TBC1D22A: variants seen among roughly 807,000 people sequenced by gnomAD.
The protein encoded by TBC1D22A is putative GTPase activator.
Under a neutral mutation model 60.2 loss-of-function variants are expected in TBC1D22A, and 38 were observed. The ratio of observed to expected loss-of-function variants is 0.63; its 90% CI spans 0.49 to 0.83. The LOEUF (loss-of-function observed/expected upper bound fraction) is 0.83, where lower values mean the gene tolerates loss of function less well. Ranked by LOEUF, TBC1D22A falls within the 40% of genes least tolerant of loss-of-function variation. The pLI, the probability that TBC1D22A is intolerant of heterozygous loss-of-function variation, is 0.00. For missense variants in TBC1D22A, 628 were observed against 701.0 expected, an observed-to-expected ratio of 0.90 and a Z score of 1.18; for synonymous variants, 302 against 281.7, an observed-to-expected ratio of 1.07 and a Z score of -0.72.
rs1415335800 is a variant in TBC1D22A at position 46,797,609 on chromosome 22, A to G, written c.626A>G (p.Asn209Ser). ...DKFKQLLAGP[N>S]TDLEELRRLS... ...TTCAAGCAGCTGCTTGCCGGCCCCAACACGGACCTTGGTAAGCACCCTGCC... is the reference window on the plus strand; with the variant it reads ...TTCAAGCAGCTGCTTGCCGGCCCCAGCACGGACCTTGGTAAGCACCCTGCC... The change falls in exon 4 of 13, where the codon AAC (asparagine) becomes AGC (serine). Residue 209 changes from asparagine to serine, a missense_variant. Physicochemically the swap from Asn to Ser is conservative, Grantham distance 46. Coordinates refer to ENST00000337137, the MANE Select transcript of TBC1D22A (RefSeq NM_014346.5). The G allele has an allele frequency of 2.0e-5, 32 of 1,607,204 alleles. No individual in the cohort carries two copies. Among genetic ancestry groups the G allele is most frequent in the East Asian group, 4.5e-5 (2 of 44,632 alleles).
chr22:47,173,676 C>T lies in TBC1D22A; in HGVS notation c.*50C>T, dbSNP rs370913176. 6.5e-5 allele frequency: 105 copies of T among 1,608,258 alleles called. 1 individual carries two copies. In the Middle Eastern group the frequency reaches 9.9e-4, roughly 15 times the overall value. On this transcript the variant is annotated 3_prime_UTR_variant, in exon 13 of 13. Coordinates refer to ENST00000337137, the MANE Select transcript of TBC1D22A (RefSeq NM_014346.5). ...TCACTGTCCCGGGTGGCGCGCCCCA[C>T]CTGCCTGGCTGGTGGTAGGCCCCTG...
At chr22:46,870,660 A>G (rs1197732852) in intron 4 of TBC1D22A, among the ~76,000 whole-genome samples, 1 of 152,188 alleles carries the variant, frequency 6.6e-6, no homozygotes, top group East Asian at 1.9e-4. Flanking sequence ...CGTCTCTCCC[A>G]GTTTCGGAGG....
intron 11 of TBC1D22A, among the ~76,000 whole-genome samples, chr22:47,110,997 G>A (rs972574427): frequency 2.6e-5 from 4 of 152,192 alleles, no homozygotes; most frequent in East Asian, 1.9e-4. Flanking sequence ...TTCCGCGTCC[G>A]TGGCTTCCGA....
chr22:47,163,362 C>T (rs2068072860), intron 12 of TBC1D22A, among the ~76,000 whole-genome samples: 1 of 152,260 alleles, frequency 6.6e-6, no homozygotes, highest in South Asian at 2.1e-4. Flanking sequence ...ATAATTCCTG[C>T]TCACAATAGT....
intron 12 of TBC1D22A, among the ~76,000 whole-genome samples, chr22:47,129,650 A>G: frequency 6.6e-6 from 1 of 152,244 alleles, no homozygotes; most frequent in Non-Finnish European, 1.5e-5. Flanking sequence ...TTTGAAACTG[A>G]AAGATGAGAG....
At position 47,163,181 on chromosome 22, in the gene TBC1D22A, C is replaced by CCAGA. The variant is rs1404129550; in HGVS notation, c.1426-10312_1426-10309dup. The stretch of plus-strand genomic sequence containing the variant: ...CCCGCCCGGCCCCTGGCTGCCCCAC[C>CCAGA]CAGACAGAGGGACAGGAGGACCATG... On this transcript the variant is annotated intron_variant, in intron 12 of 12. Transcript: ENST00000337137. Among the ~76,000 whole-genome samples, 10 of 152,172 alleles carry CCAGA rather than the reference C, an allele frequency of 6.6e-5. No individual in the cohort carries two copies. The East Asian group carries it at 1.7e-3, about 27-fold the overall frequency.
At chr22:46,770,136 G>A (rs2083436437) in intron 1 of TBC1D22A, among the ~76,000 whole-genome samples, 1 of 152,214 alleles carries the variant, frequency 6.6e-6, no homozygotes, top group Admixed American at 6.5e-5. Context: ...TTTGGACGTG[G>A]TCAGAGACAT....
chr22:46,955,890 C>T (rs796780002), intron 8 of TBC1D22A, among the ~76,000 whole-genome samples: 9 of 152,304 alleles, frequency 5.9e-5, no homozygotes, highest in South Asian at 2.1e-4. Context: ...AGGCTGAGCA[C>T]GGGGCTCCCT....
intron 7 of TBC1D22A, among the ~76,000 whole-genome samples, chr22:46,904,207 A>G (rs1602402777): frequency 7.0e-6 from 1 of 143,684 alleles, no homozygotes; most frequent in African/African-American, 2.8e-5. Context: ...AACTGGCTCA[A>G]TGCGGTTTTT....
At chr22:47,080,114 T>G (rs2064401237) in intron 11 of TBC1D22A, among the ~76,000 whole-genome samples, 1 of 151,874 alleles carries the variant, frequency 6.6e-6, no homozygotes, top group Non-Finnish European at 1.5e-5. Flanking sequence ...ACAGGACTTC[T>G]AATTACATGA....
chr22:46,943,701 G>A (rs550805065), intron 8 of TBC1D22A, among the ~76,000 whole-genome samples: 6 of 152,200 alleles, frequency 3.9e-5, no homozygotes, highest in Non-Finnish European at 7.3e-5. Context: ...GGTCCCTCCA[G>A]CAGCCACATG....
At chr22:47,091,425 CGG>C (rs2064966967) in intron 11 of TBC1D22A, among the ~76,000 whole-genome samples, 1 of 139,670 alleles carries the variant, frequency 7.2e-6, no homozygotes, top group Non-Finnish European at 1.5e-5. Flanking sequence ...AGTGGCCTCG[CGG>C]AGGGGGTGGC....
chr22:46,795,333 C>A (rs760695959), intron 3 of TBC1D22A, among the ~76,000 whole-genome samples: 1 of 152,232 alleles, frequency 6.6e-6, no homozygotes, highest in Non-Finnish European at 1.5e-5. Context: ...GCCCCCTACC[C>A]CCAAGATGCA....
chr22:46,768,892 G>A (rs2083388807), intron 1 of TBC1D22A, among the ~76,000 whole-genome samples: 1 of 151,976 alleles, frequency 6.6e-6, no homozygotes, highest in South Asian at 2.1e-4. Context: ...TCAGCAGTTC[G>A]AGACCAGCCT....
intron 8 of TBC1D22A, among the ~76,000 whole-genome samples, chr22:46,960,864 G>A (rs968402299): frequency 6.7e-6 from 1 of 150,262 alleles, no homozygotes; most frequent in African/African-American, 2.5e-5. Flanking sequence ...GGAGAATGGC[G>A]TGAACCCAGG....
intron 11 of TBC1D22A, among the ~76,000 whole-genome samples, chr22:47,054,536 T>TGTCC (rs2063324926): frequency 6.6e-6 from 1 of 152,234 alleles, no homozygotes; most frequent in African/African-American, 2.4e-5. Context: ...GGCCTCGCCA[T>TGTCC]GTCCATCTGC....
chr22:47,068,570 T>C (rs1016081400), intron 11 of TBC1D22A, among the ~76,000 whole-genome samples: 5 of 152,262 alleles, frequency 3.3e-5, no homozygotes, highest in East Asian at 1.9e-4. Flanking sequence ...ATATGCCATA[T>C]GATATTTAAA....
At chr22:47,152,037 C>T (rs905351357) in intron 12 of TBC1D22A, among the ~76,000 whole-genome samples, 2 of 152,182 alleles carry the variant, frequency 1.3e-5, no homozygotes, top group African/African-American at 2.4e-5. Flanking sequence ...TGTGAGGGTT[C>T]CTCTGGGCTG....
chr22:46,792,682 G>C, intron 2 of TBC1D22A, 106 bp downstream of exon 2: 1 of 1,606,920 alleles, frequency 6.2e-7, no homozygotes. Flanking sequence ...TCCTCAGGGA[G>C]GAGACTGGTT....
Sources: allele counts gnomAD v4.1 joint callset (sites outside exome capture counted in the v4.1 genomes callset), GRCh38; gene constraint gnomAD v4.1.1; transcripts MANE v1.5; gene names NCBI Gene and HGNC (gene_info 2026-07-23, HGNC 2026-07-21).